The following KLHL28 variants were observed in gnomAD, a reference collection of about 807,000 sequenced individuals.
KLHL28 encodes the protein kelch-like protein 28.
In KLHL28, 22 loss-of-function variants were observed where a neutral mutation model predicts 48.3. The observed-to-expected ratio is 0.46, with a 90% confidence interval of 0.33 to 0.65. The LOEUF is 0.65. KLHL28 is among the 30% of genes least tolerant of loss of function. KLHL28 has a pLI of 0.03. For synonymous variants in KLHL28, 243 were observed against 242.4 expected (o/e 1.00, Z -0.02); for missense variants, 527 against 704.3 (o/e 0.75, Z 2.85).
intron 2 of KLHL28, 101 bp downstream of exon 2, chr14:44,944,929 T>A (rs1884258535): frequency 3.3e-6 from 3 of 911,504 alleles, no homozygotes; most frequent in African/African-American, 1.7e-5. Flanking sequence ...CAAAGAAAAG[T>A]AAAAAGGAAA....
At chr14:44,957,702 C>T (rs1884852318) in intron 1 of KLHL28, among the ~76,000 whole-genome samples, 2 of 152,042 alleles carry the variant, frequency 1.3e-5, no homozygotes, top group African/African-American at 4.8e-5. Flanking sequence ...TTATTATTAC[C>T]ACCATTTTAC....
rs549953900 is a variant in KLHL28 at position 44,932,068 on chromosome 14, G to T, written c.1344-527C>A. Among the ~76,000 whole-genome samples the T allele has an allele frequency of 2.0e-5, 3 of 151,214 alleles. No homozygotes were observed. The South Asian group carries it at 6.3e-4, about 32-fold the overall frequency. ...AGGCAGGTCTCGCTCTGTCACCTAG[G>T]CTGGAGTGCAGTGACAAGATCAGAG... On this transcript the variant is annotated intron_variant, in intron 3 of 4. Transcript: ENST00000396128.
Position 44,945,140 on chromosome 14 carries a change from C to T in KLHL28, c.789G>A (p.Met263Ile). Residue 263 changes from methionine (M) to isoleucine (I), a missense_variant, in exon 2 of 5, where the codon ATG becomes ATA. Coordinates refer to ENST00000396128, the MANE Select transcript of KLHL28 (RefSeq NM_017658.5). The stretch of plus-strand genomic sequence containing the variant: ...TCTGATGAGAGAGTCTATGTTCAGG[C>T]ATAAAGTGGTACTTTAGGGCTTCAT... ...LLNEALKYHF[M>I]PEHRLSHQTV... 6.2e-7 allele frequency: 1 copy of T among 1,614,118 alleles called. No individual in the cohort carries two copies. Among genetic ancestry groups the T allele is most frequent in the Non-Finnish European group, 8.5e-7 (1 of 1,179,976 alleles).
rs1270004073 is a variant in KLHL28 at position 44,948,045 on chromosome 14, C to A, written c.1-2117G>T. On this transcript the variant is annotated intron_variant, in intron 1 of 4. Coordinates refer to ENST00000396128, the MANE Select transcript of KLHL28 (RefSeq NM_017658.5). The stretch of plus-strand genomic sequence containing the variant: ...TTATTCCAGTGTTGATCTTTTTAAC[C>A]TATGTAACTTCTTTTAGCCTCAGTT... 5.3e-5 allele frequency among the ~76,000 whole-genome samples: 8 copies of A among 152,174 alleles called. No individual in the cohort carries two copies. In the East Asian group the frequency reaches 1.5e-3, roughly 29 times the overall value.
chr14:44,935,608 T>G (rs1883776844), intron 2 of KLHL28, among the ~76,000 whole-genome samples: 1 of 151,864 alleles, frequency 6.6e-6, no homozygotes, highest in Non-Finnish European at 1.5e-5. Flanking sequence ...TGCACTTATA[T>G]TAAAACGTGT....
chr14:44,942,243 T>C (rs998643176), intron 2 of KLHL28, among the ~76,000 whole-genome samples: 4 of 152,076 alleles, frequency 2.6e-5, no homozygotes, highest in Non-Finnish European at 5.9e-5. Flanking sequence ...TTCCTCCCTC[T>C]TCCTCATCAT....
intron 2 of KLHL28, among the ~76,000 whole-genome samples, chr14:44,943,588 C>T (rs1345835033): frequency 2.6e-5 from 4 of 151,806 alleles, no homozygotes; most frequent in South Asian, 2.1e-4. Context: ...ACCTGGGAGG[C>T]GGAGGTTGCA....
At chr14:44,930,276 A>G (rs970716202) in intron 4 of KLHL28, among the ~76,000 whole-genome samples, 2 of 152,168 alleles carry the variant, frequency 1.3e-5, no homozygotes, top group Non-Finnish European at 2.9e-5. Context: ...TATGAAATCC[A>G]AAGTGCTCCA....
At chr14:44,955,188 GAATA>G (rs1444649938) in intron 1 of KLHL28, among the ~76,000 whole-genome samples, 1 of 150,092 alleles carries the variant, frequency 6.7e-6, no homozygotes, top group Non-Finnish European at 1.5e-5. Context: ...AAAAGTATGA[GAATA>G]AATATATGTA....
rs1333851181 is a variant in KLHL28, at chr14:44,924,826, G to A, written c.*4202C>T. ...ACAATAAGTTATCTCTAGTAAAGAT[G>A]TATAATATAAAAGACATATGGATAA... is the stretch of plus-strand genomic sequence containing the variant. On this transcript the variant is annotated 3_prime_UTR_variant, in exon 5 of 5. Transcript: ENST00000396128. 1 of 152,576 alleles carries A rather than the reference G, an allele frequency of 6.6e-6. No homozygotes were observed. The highest frequency in any genetic ancestry group is 2.4e-5 in the African/African-American group (1 of 41,432). The allele number at this position is 152,576 out of a possible 1,614,324, so 9.5% of individuals were successfully genotyped here.
At chr14:44,934,605 C>A in intron 2 of KLHL28, 47 bp from the exon 3 acceptor site, 3 of 1,372,720 alleles carry the variant, frequency 2.2e-6, no homozygotes, top group Non-Finnish European at 9.9e-7. Flanking sequence ...CCAAAGTGGC[C>A]CATAAAGACA....
intron 2 of KLHL28, among the ~76,000 whole-genome samples, chr14:44,944,492 T>C (rs1884238491): frequency 6.6e-6 from 1 of 152,234 alleles, no homozygotes; most frequent in African/African-American, 2.4e-5. Context: ...ACATATTTCT[T>C]AATGCTGTCT....
At chr14:44,932,900 A>G (rs1883647191) in intron 3 of KLHL28, among the ~76,000 whole-genome samples, 1 of 152,222 alleles carries the variant, frequency 6.6e-6, no homozygotes. Context: ...AAAAATTTAC[A>G]GATGAAATGC....
At chr14:44,960,933 T>A (rs1566582668) in intron 1 of KLHL28, 2 of 1,535,344 alleles carry the variant, frequency 1.3e-6, no homozygotes, top group African/African-American at 2.8e-5. Flanking sequence ...GTGCATAAAT[T>A]TGGGTCTTCA....
chr14:44,939,835 A>G (rs544229635), intron 2 of KLHL28, among the ~76,000 whole-genome samples: 5 of 152,104 alleles, frequency 3.3e-5, no homozygotes, highest in Non-Finnish European at 5.9e-5. Flanking sequence ...CTTCTTCCAG[A>G]CTCCTACTTA....
chr14:44,925,281 A>G lies in KLHL28; in HGVS notation c.*3747T>C, dbSNP rs1883340351. 2.0e-5 allele frequency: 3 copies of G among 152,180 alleles called. 1 individual carries two copies. The South Asian group carries it at 6.2e-4, about 31-fold the overall frequency. The allele number at this position is 152,180 out of a possible 1,614,324, so 9.4% of individuals were successfully genotyped here. On this transcript the variant is annotated 3_prime_UTR_variant, in exon 5 of 5. Transcript: ENST00000396128. ...CAGGAATCCAACACCAAAACTGAAA[A>G]TAAACACAACATGTACATATATTTC... is the stretch of plus-strand genomic sequence containing the variant.
At chr14:44,944,000 G>A (rs1884217762) in intron 2 of KLHL28, among the ~76,000 whole-genome samples, 1 of 152,010 alleles carries the variant, frequency 6.6e-6, no homozygotes, top group African/African-American at 2.4e-5. Flanking sequence ...CAGGTATTTT[G>A]AGACTTTTTT....
intron 1 of KLHL28, among the ~76,000 whole-genome samples, chr14:44,953,100 T>C (rs937752159): frequency 1.3e-5 from 2 of 152,174 alleles, no homozygotes; most frequent in Non-Finnish European, 1.5e-5. Flanking sequence ...ATGAGACGTA[T>C]GTAAGGAAAA....
At chr14:44,956,006 C>T (rs879257167) in intron 1 of KLHL28, among the ~76,000 whole-genome samples, 6 of 152,224 alleles carry the variant, frequency 3.9e-5, no homozygotes, top group African/African-American at 7.2e-5. Flanking sequence ...TGGTCAACAC[C>T]GGACGATGCT....
Sources: gnomAD v4.1 joint callset for allele counts (sites outside exome capture counted in the v4.1 genomes callset) on GRCh38, gnomAD v4.1.1 for gene constraint, MANE v1.5 for transcripts, NCBI Gene and HGNC (gene_info 2026-07-23, HGNC 2026-07-21) for gene names.